Variants in SYNE1 observed in about 807,000 individuals in gnomAD.
SYNE1 encodes spectrin repeat containing nuclear envelope protein 1.
A neutral mutation model predicts 1,111.0 loss-of-function variants in SYNE1; 616 were observed. That is an observed-to-expected ratio of 0.55 (90% CI 0.52 to 0.59). The LOEUF (loss-of-function observed/expected upper bound fraction) is 0.59. Among genes scored for constraint, SYNE1 ranks in the 20% least tolerant of loss-of-function variants. The pLI is 0.00. For synonymous variants in SYNE1, 3,855 were observed against 3,825.8 expected, an observed-to-expected ratio of 1.01 and a Z score of -0.28; for missense variants, 10,006 against 10,417.0, an observed-to-expected ratio of 0.96 and a Z score of 1.72.
intron 32 of SYNE1, among the ~76,000 whole-genome samples, chr6:152,436,994 C>T (rs571789344): frequency 2.6e-5 from 4 of 151,760 alleles, no homozygotes; most frequent in Admixed American, 1.3e-4. Flanking sequence ...GGGAAGACCT[C>T]CATCTCTAGG....
rs2083385032 is a variant in SYNE1 at position 152,233,979 on chromosome 6, A to G, written c.20530-16T>C. Reference sequence around the variant, plus strand: ...TAGAAAACTCCTGAAACAAGTAGCGATGTTCAAATTAGGGTTAAATAGCTA... The same window carrying G: ...TAGAAAACTCCTGAAACAAGTAGCGGTGTTCAAATTAGGGTTAAATAGCTA... On this transcript the variant is annotated splice_polypyrimidine_tract_variant and intron_variant, in intron 111 of 145. Coordinates refer to ENST00000367255, the MANE Select transcript of SYNE1 (RefSeq NM_182961.4). 6.2e-7 allele frequency: 1 copy of G among 1,613,194 alleles called. No homozygotes were observed. Among genetic ancestry groups the G allele is most frequent in the Non-Finnish European group, 8.5e-7 (1 of 1,179,738 alleles).
chr6:152,187,042 T>C (rs1563318124), intron 128 of SYNE1, among the ~76,000 whole-genome samples: 2 of 152,218 alleles, frequency 1.3e-5, no homozygotes, highest in Non-Finnish European at 2.9e-5. Flanking sequence ...GTGATTAGCA[T>C]TACTACCCTC....
In SYNE1 at chr6:152,148,426, C is replaced by A; in HGVS notation, c.24643-48G>T. 2 of 1,579,304 alleles carry A rather than the reference C, an allele frequency of 1.3e-6. No homozygotes were observed. The highest frequency in any genetic ancestry group is 1.7e-6 in the Non-Finnish European group (2 of 1,158,806). ...CCTGTCACTGTAGTGGTCAGACTAG[C>A]TTCTTATCTGGGCCACCTGCCTACC... is the stretch of plus-strand genomic sequence containing the variant. On this transcript the variant is annotated intron_variant, in intron 136 of 145. Transcript: ENST00000367255. The surrounding 1 kb of genome is among the most constrained non-coding windows in gnomAD (Gnocchi z 4.1).
At chr6:152,211,878 C>G (rs535011252) in intron 123 of SYNE1, among the ~76,000 whole-genome samples, 2 of 152,086 alleles carry the variant, frequency 1.3e-5, no homozygotes, top group African/African-American at 4.8e-5. Flanking sequence ...AGTTAATGCA[C>G]AATTTGTTTT....
In SYNE1 at chr6:152,329,974, T is replaced by C; in HGVS notation, c.14711A>G (p.Lys4904Arg). ...GTACACCGGCCCACTGAGCTCTGCC[T>C]TCACTCTCCTCAGCCAGTCCAGGGA... ...SRSLDWLRRV[K>R]AELSGPVYLD... The change falls in exon 78 of 146, where the codon AAG (lysine) becomes AGG (arginine). Residue 4904 changes from lysine (K) to arginine (R), a missense_variant. This residue lies in a region of SYNE1 where 4,955 missense variants were observed against 5,017.2 expected (regional missense o/e 0.99). Coordinates refer to ENST00000367255, the MANE Select transcript of SYNE1 (RefSeq NM_182961.4). 6.2e-7 allele frequency: 1 copy of C among 1,614,210 alleles called. No homozygotes were observed. The highest frequency in any genetic ancestry group is 8.5e-7 in the Non-Finnish European group (1 of 1,180,036).
At chr6:152,268,389 A>AG in intron 99 of SYNE1, among the ~76,000 whole-genome samples, 1 of 8,652 alleles carries the variant, frequency 1.2e-4, no homozygotes, top group Admixed American at 1.4e-3. Context: ...TCTGGGGGTT[A>AG]AAAAAAAAAA....
intron 91 of SYNE1, among the ~76,000 whole-genome samples, chr6:152,307,914 C>A (rs189167727): frequency 1.3e-5 from 2 of 152,266 alleles, no homozygotes; most frequent in Admixed American, 1.3e-4. Flanking sequence ...CTCACTGCAA[C>A]CTCTGCATCC....
intron 130 of SYNE1, chr6:152,168,410 G>C: frequency 1.8e-6 from 1 of 549,246 alleles, no homozygotes; most frequent in East Asian, 3.0e-5. Flanking sequence ...CATGTGCCAG[G>C]CTTGATCTCC....
intron 5 of SYNE1, 61 bp from the exon 6 acceptor site, chr6:152,520,603 T>C: frequency 6.5e-7 from 1 of 1,541,058 alleles, no homozygotes; most frequent in Non-Finnish European, 9.0e-7. Context: ...ATGTTAGTTA[T>C]AAGATCTATT....
rs1998620 is a variant in SYNE1, at chr6:152,225,605, G to A, written c.21351+116C>T. 561,030 of 1,225,884 alleles carry A rather than the reference G, an allele frequency of 0.46. 133,573 individuals are homozygous for A. The highest frequency in any genetic ancestry group is 0.72 in the East Asian group (30,975 of 42,896). 75.9% of individuals were successfully genotyped at this position (1,225,884 alleles called of 1,614,324 possible). ...TAACGAAGTGGACTTAAAAGTACAA[G>A]GAGATAATGTATAGATTTGATTATT... On this transcript the variant is annotated intron_variant, in intron 116 of 145. Transcript: ENST00000367255.
rs538357613 is a variant in SYNE1 at position 152,214,944 on chromosome 6, A to G, written c.22308T>C (p.His7436=). 32 of 1,614,138 alleles carry G rather than the reference A, an allele frequency of 2.0e-5. No individual in the cohort carries two copies. The Admixed American group carries it at 4.8e-4, about 24-fold the overall frequency. ...EIKRMQNLNR[H]WSLISSQTTE... ...TAGTCTGAGAGGAGATCAGAGACCA[A>G]TGGCGGTTCAGATTCTGCATTCTTT... The change falls in exon 122 of 146, where the codon CAT becomes CAC. Residue 7436 remains histidine (H), a synonymous_variant. Coordinates refer to ENST00000367255, the MANE Select transcript of SYNE1 (RefSeq NM_182961.4).
chr6:152,265,888 AC>A (rs1033017099), intron 100 of SYNE1, among the ~76,000 whole-genome samples: 4 of 152,166 alleles, frequency 2.6e-5, no homozygotes, highest in African/African-American at 4.8e-5. Context: ...AAACCAAGTC[AC>A]ATTTATAGTC....
At position 152,323,685 on chromosome 6, in the gene SYNE1, C is replaced by T; in HGVS notation, c.15710G>A (p.Ser5237Asn). Reference protein sequence around the residue: ...IDQLQDKLPGSSAEKASKAEL... With the variant: ...IDQLQDKLPGNSAEKASKAEL... ...TGCTTTCGATGCTTTCTCTGCTGAA[C>T]TTCCAGGTAACTTATCTTGCAGCTG... The change falls in exon 82 of 146, where the codon AGT (serine) becomes AAT (asparagine). Residue 5237 changes from serine to asparagine, a missense_variant. By Grantham distance (46) the Ser-to-Asn change is conservative (BLOSUM62 1). Transcript: ENST00000367255. 1 of 1,614,240 alleles carries T rather than the reference C, an allele frequency of 6.2e-7. No homozygotes were observed. Among genetic ancestry groups the T allele is most frequent in the Non-Finnish European group, 8.5e-7 (1 of 1,180,042 alleles).
At chr6:152,332,174 A>G (rs1296409781) in intron 77 of SYNE1, among the ~76,000 whole-genome samples, 1 of 152,110 alleles carries the variant, frequency 6.6e-6, no homozygotes, top group Non-Finnish European at 1.5e-5. Flanking sequence ...GGGTTTCACC[A>G]TGTTGGTCAG....
intron 83 of SYNE1, 21 bp downstream of exon 83, chr6:152,321,699 GA>G: frequency 6.2e-7 from 1 of 1,613,780 alleles, no homozygotes. Flanking sequence ...TGGGTAAAGA[GA>G]ATGAGGAGAC....
At chr6:152,383,158 C>T (rs1329842571) in intron 55 of SYNE1, among the ~76,000 whole-genome samples, 2 of 152,132 alleles carry the variant, frequency 1.3e-5, no homozygotes, top group Non-Finnish European at 2.9e-5. Context: ...TTCTGATAGT[C>T]TTCACTTTCT....
Position 152,450,611 on chromosome 6 carries a change from CA to C in SYNE1, c.3395+13del. 1.2e-6 allele frequency: 2 copies of C among 1,612,100 alleles called. No individual in the cohort carries two copies. Among genetic ancestry groups the C allele is most frequent in the Non-Finnish European group, 1.7e-6 (2 of 1,178,360 alleles). On this transcript the variant is annotated intron_variant, in intron 27 of 145. Coordinates refer to ENST00000367255, the MANE Select transcript of SYNE1 (RefSeq NM_182961.4). ...TTTGACTACACCCCTCTCTGGAGGC[CA>C]TTCTGAGGCTACCTGCTAGTGTAGT... is the stretch of plus-strand genomic sequence containing the variant.
chr6:152,314,279 T>C lies in SYNE1; in HGVS notation c.16710+2570A>G, dbSNP rs148239183. Among the ~76,000 whole-genome samples the C allele has an allele frequency of 1.9e-3, 288 of 152,272 alleles. 2 individuals are homozygous for C. The highest frequency in any genetic ancestry group is 6.5e-3 in the African/African-American group (269 of 41,566). On this transcript the variant is annotated intron_variant, in intron 87 of 145. Transcript: ENST00000367255. ...CAACAGACTTTTAGGATCTTTTTCT[T>C]ATCTCTCTATTCTTATCTCTTATCC...
chr6:152,331,611 C>T lies in SYNE1; in HGVS notation c.13074G>A (p.Glu4358=). Residue 4358 remains glutamate, a synonymous_variant, in exon 78 of 146, where the codon GAG becomes GAA. Coordinates refer to ENST00000367255, the MANE Select transcript of SYNE1 (RefSeq NM_182961.4). ...TGTTGGGTTGTTGCTCTTCTGCCCA[C>T]TCCATTAGCTCCTGAAATCTGGACT... ...VVQSRFQELM[E]WAEEQQPNIA... The T allele has an allele frequency of 6.2e-7, 1 of 1,614,200 alleles. No homozygotes were observed. The highest frequency in any genetic ancestry group is 8.5e-7 in the Non-Finnish European group (1 of 1,180,032).
Sources: gnomAD v4.1 joint callset for allele counts (sites outside exome capture counted in the v4.1 genomes callset) on GRCh38, gnomAD v4.1.1 for gene constraint, gnomAD v4.1.1 regional missense constraint, Gnocchi (gnomAD v3.1) non-coding constraint, MANE v1.5 for transcripts, NCBI Gene and HGNC (gene_info 2026-07-23, HGNC 2026-07-21) for gene names.